Variants in DCXR observed in about 807,000 individuals in gnomAD.
DCXR encodes the protein L-xylulose reductase.
DCXR carries 24 observed loss-of-function variants against 25.9 expected under a neutral mutation model. The observed-to-expected ratio is 0.93, with a 90% confidence interval of 0.67 to 1.30. DCXR has a LOEUF of 1.30. Among genes scored for constraint, DCXR ranks in the 50% most tolerant of loss-of-function variants. The pLI is 0.00. For synonymous variants in DCXR, 161 were observed against 141.7 expected, an observed-to-expected ratio of 1.14 and a Z score of -0.97; for missense variants, 348 against 333.7, an observed-to-expected ratio of 1.04 and a Z score of -0.33.
chr17:82,036,631 C>G lies in DCXR; in HGVS notation c.361G>C (p.Gly121Arg). 1 of 1,613,294 alleles carries G rather than the reference C, an allele frequency of 6.2e-7. No homozygotes were observed. Among genetic ancestry groups the G allele is most frequent in the Non-Finnish European group, 8.5e-7 (1 of 1,179,994 alleles). The change falls in exon 5 of 8, where the codon GGC (glycine) becomes CGC (arginine). Residue 121 changes from glycine (G) to arginine (R), a missense_variant. Coordinates refer to ENST00000306869, the MANE Select transcript of DCXR (RefSeq NM_016286.4). The stretch of plus-strand genomic sequence containing the variant: ...CCTGGGACTCCCCGGGCTATTAAGC[C>G]CCTGGCCACAATCTGGAATCGCAGC... ...VIQVSQIVAR[G>R]LIARGVPGAI...
At chr17:82,037,369 G>C in intron 2 of DCXR, 81 bp downstream of exon 2, 1 of 1,378,050 alleles carries the variant, frequency 7.3e-7, no homozygotes, top group Non-Finnish European at 9.7e-7. Context: ...AGGCGGAGTC[G>C]CGCACAGAGG....
intron 1 of DCXR, 33 bp from the exon 2 acceptor site, chr17:82,037,580 T>C (rs2043508508): frequency 6.5e-7 from 1 of 1,545,504 alleles, no homozygotes; most frequent in Non-Finnish European, 8.7e-7. Flanking sequence ...AGGCGTCCCC[T>C]GCCCGCCTCT....
At chr17:82,037,598 G>C (rs113116886) in intron 1 of DCXR, 33 bp downstream of exon 1, 1 of 1,554,792 alleles carries the variant, frequency 6.4e-7, no homozygotes, top group Non-Finnish European at 8.6e-7. Context: ...TCTGCCCGCC[G>C]CCGGCCTTTG....
intron 2 of DCXR, 55 bp downstream of exon 2, chr17:82,037,395 C>A: frequency 6.7e-7 from 1 of 1,491,714 alleles, no homozygotes; most frequent in Non-Finnish European, 8.9e-7. Context: ...CCCCCGCTCG[C>A]TGCCGCCCCC....
chr17:82,036,976 T>C lies in DCXR; in HGVS notation c.188A>G (p.Asp63Gly), dbSNP rs541363269. ...GIEPVCVDLG[D>G]WEATERALGS... The stretch of plus-strand genomic sequence containing the variant: ...CAGCGCCCGCTCGGTGGCCTCCCAG[T>C]CACCCAGGTCCACGCACACGGGTTC... The change falls in exon 3 of 8, where the codon GAC becomes GGC. Residue 63 changes from aspartate to glycine, a missense_variant. Transcript: ENST00000306869. 6.3e-7 allele frequency: 1 copy of C among 1,586,134 alleles called. No homozygotes were observed. The highest frequency in any genetic ancestry group is 1.4e-5 in the African/African-American group (1 of 74,002).
Position 82,036,305 on chromosome 17 carries a change from G to C in DCXR, c.517C>G (p.Arg173Gly). The change falls in exon 7 of 8, where the codon CGA (arginine) becomes GGA (glycine). Residue 173 changes from arginine (R) to glycine (G), a missense_variant. Transcript: ENST00000306869. ...ACTGTGGGGTTTACTGCATTCACTC[G>C]GATCTACACCGGGACAGCTGGGGTC... ...MALELGPHKI[R>G]VNAVNPTVVM... 1 of 1,402,566 alleles carries C rather than the reference G, an allele frequency of 7.1e-7. No homozygotes were observed. Among genetic ancestry groups the C allele is most frequent in the Non-Finnish European group, 9.4e-7 (1 of 1,067,802 alleles). 86.9% of individuals were successfully genotyped at this position (1,402,566 alleles called of 1,614,324 possible).
rs1338075901 is a variant in DCXR, at chr17:82,036,232, G to A, written c.590C>T (p.Ala197Val). 3 of 1,613,562 alleles carry A rather than the reference G, an allele frequency of 1.9e-6. No individual in the cohort carries two copies. The highest frequency in any genetic ancestry group is 2.5e-6 in the Non-Finnish European group (3 of 1,180,030). ...GQATWSDPHK[A>V]KTMLNRIPLG... ...TGGGATTCGGTTCAGCATAGTCTTG[G>A]CCTTGTGGGGGTCACTCCAGGTGGC... is the stretch of plus-strand genomic sequence containing the variant. The change falls in exon 7 of 8, where the codon GCC becomes GTC. Residue 197 changes from alanine (A) to valine (V), a missense_variant. Ala to Val is a moderately conservative substitution (Grantham distance 64). Transcript: ENST00000306869.
Position 82,037,550 on chromosome 17 carries a change from G to C in DCXR, c.53-3C>G. 6.5e-7 allele frequency: 1 copy of C among 1,543,934 alleles called. No homozygotes were observed. Among genetic ancestry groups the C allele is most frequent in the Non-Finnish European group, 8.7e-7 (1 of 1,150,952 alleles). Reference sequence around the variant, plus strand: ...CTGGACCGTGCCGCGCCCTATACCTGCCGGGAGCGGGCTCAGTGAAGGCGT... The same window carrying C: ...CTGGACCGTGCCGCGCCCTATACCTCCCGGGAGCGGGCTCAGTGAAGGCGT... On this transcript the variant is annotated splice_region_variant and splice_polypyrimidine_tract_variant and intron_variant, in intron 1 of 7. Transcript: ENST00000306869.
At chr17:82,037,171 G>A in intron 2 of DCXR, 158 bp from the exon 3 acceptor site, 1 of 998,912 alleles carries the variant, frequency 1.0e-6, no homozygotes, top group South Asian at 1.6e-5. Context: ...ACCTCCGGCC[G>A]GTTCACTTCC....
Position 82,037,512 on chromosome 17 carries a change from T to C in DCXR, c.88A>G (p.Thr30Ala). 6.5e-7 allele frequency: 1 copy of C among 1,541,736 alleles called. No individual in the cohort carries two copies. Among genetic ancestry groups the C allele is most frequent in the Non-Finnish European group, 8.7e-7 (1 of 1,151,002 alleles). The change falls in exon 2 of 8, where the codon ACG becomes GCG. Residue 30 changes from threonine (T) to alanine (A), a missense_variant. Coordinates refer to ENST00000306869, the MANE Select transcript of DCXR (RefSeq NM_016286.4). The stretch of plus-strand genomic sequence containing the variant: ...CTCACAGCCACCACCCGCGCGCCCG[T>C]CGCGTGCAGCGCCTGGACCGTGCCG... ...GRGTVQALHATGARVVAVSRT... is the reference protein window; with the variant it reads ...GRGTVQALHAAGARVVAVSRT...
At position 82,037,689 on chromosome 17, in the gene DCXR, G is replaced by A. The variant is rs776354255; in HGVS notation, c.-7C>T. 22 of 1,587,046 alleles carry A rather than the reference G, an allele frequency of 1.4e-5. No individual in the cohort carries two copies. The highest frequency in any genetic ancestry group is 1.7e-4 in the Middle Eastern group (1 of 5,978). ...CCGCGAGGAACAGCTCCATGTCGGC[G>A]CAGTCTCCGCCCTCCGCACTGGGGC... On this transcript the variant is annotated 5_prime_UTR_variant, in exon 1 of 8. Coordinates refer to ENST00000306869, the MANE Select transcript of DCXR (RefSeq NM_016286.4).
rs1350989127 is a variant in DCXR at position 82,036,892 on chromosome 17, G to C, written c.272C>G (p.Pro91Arg). 2 of 1,613,024 alleles carry C rather than the reference G, an allele frequency of 1.2e-6. No homozygotes were observed. The highest frequency in any genetic ancestry group is 1.7e-6 in the Non-Finnish European group (2 of 1,179,984). Residue 91 changes from proline (P) to arginine (R), a missense_variant, in exon 3 of 8, where the codon CCC (proline) becomes CGC (arginine). Pro to Arg is a moderately radical substitution (Grantham distance 103). Coordinates refer to ENST00000306869, the MANE Select transcript of DCXR (RefSeq NM_016286.4). Reference sequence around the variant, plus strand: ...GGCCTCCTTGGTGACCTCCAGGAAGGGCTGCAGCAGGGCGACAGCGGCGTT... The same window carrying C: ...GGCCTCCTTGGTGACCTCCAGGAAGCGCTGCAGCAGGGCGACAGCGGCGTT... The part of the protein sequence containing the change: ...VNNAAVALLQ[P>R]FLEVTKEAFD...
At chr17:82,037,123 CGAA>C in intron 2 of DCXR, 110 bp from the exon 3 acceptor site, 1 of 1,404,246 alleles carries the variant, frequency 7.1e-7, no homozygotes. Flanking sequence ...TTAGGAGTTC[CGAA>C]GGTGTCGGGA....
chr17:82,037,567 T>A lies in DCXR; in HGVS notation c.53-20A>T. ...CTATACCTGCCGGGAGCGGGCTCAGTGAAGGCGTCCCCTGCCCGCCTCTGC... is the reference window on the plus strand; with the variant it reads ...CTATACCTGCCGGGAGCGGGCTCAGAGAAGGCGTCCCCTGCCCGCCTCTGC... On this transcript the variant is annotated intron_variant, in intron 1 of 7. Transcript: ENST00000306869. 6.5e-7 allele frequency: 1 copy of A among 1,544,602 alleles called. No homozygotes were observed. Among genetic ancestry groups the A allele is most frequent in the Non-Finnish European group, 8.7e-7 (1 of 1,151,364 alleles).
Position 82,037,443 on chromosome 17 carries a change from G to A in DCXR, c.150+7C>T. The A allele has an allele frequency of 6.6e-7, 1 of 1,526,470 alleles. No homozygotes were observed. The highest frequency in any genetic ancestry group is 8.7e-7 in the Non-Finnish European group (1 of 1,144,192). The allele number at this position is 1,526,470 out of a possible 1,614,324, so 94.6% of individuals were successfully genotyped here. ...GCCTCGCAGCGCTGGGACCCGGCGG[G>A]ACCTACCTCGCGGACAAGGCTGTCA... On this transcript the variant is annotated splice_region_variant and intron_variant, in intron 2 of 7. Coordinates refer to ENST00000306869, the MANE Select transcript of DCXR (RefSeq NM_016286.4).
chr17:82,037,371 G>T (rs1017513525), intron 2 of DCXR, 79 bp downstream of exon 2: 6 of 1,389,360 alleles, frequency 4.3e-6, no homozygotes, highest in Non-Finnish European at 5.8e-6. Context: ...GCGGAGTCGC[G>T]CACAGAGGTA....
At position 82,037,022 on chromosome 17, in the gene DCXR, A is replaced by G; in HGVS notation, c.151-9T>C. On this transcript the variant is annotated splice_polypyrimidine_tract_variant and intron_variant, in intron 2 of 7. Coordinates refer to ENST00000306869, the MANE Select transcript of DCXR (RefSeq NM_016286.4). Reference sequence around the variant, plus strand: ...GGTTCTATCCCCGGGCACTGTGTGTATCAGGGGGCAGTTACCAGAGGCTCT... The same window carrying G: ...GGTTCTATCCCCGGGCACTGTGTGTGTCAGGGGGCAGTTACCAGAGGCTCT... The G allele has an allele frequency of 6.4e-7, 1 of 1,553,534 alleles. No homozygotes were observed. The highest frequency in any genetic ancestry group is 2.4e-5 in the East Asian group (1 of 41,008).
chr17:82,037,644 G>T lies in DCXR; in HGVS notation c.39C>A (p.Thr13=), dbSNP rs1178773212. Reference sequence around the variant, plus strand: ...CCCGCCGCCCACCTTTGCCTGCCCCGGTGACCAGCACCCGGCGGCCCGCGA... The same window carrying T: ...CCCGCCGCCCACCTTTGCCTGCCCCTGTGACCAGCACCCGGCGGCCCGCGA... ...LFLAGRRVLV[T]GAGKGIGRGT... Residue 13 remains threonine (T), a synonymous_variant, in exon 1 of 8, where the codon ACC becomes ACA. Transcript: ENST00000306869. The T allele has an allele frequency of 6.3e-7, 1 of 1,589,418 alleles. No individual in the cohort carries two copies. Among genetic ancestry groups the T allele is most frequent in the Admixed American group, 1.7e-5 (1 of 58,906 alleles).
chr17:82,035,901 A>AT lies in DCXR; in HGVS notation c.*58dup. The AT allele has an allele frequency of 7.0e-7, 1 of 1,437,956 alleles. No individual in the cohort carries two copies. The highest frequency in any genetic ancestry group is 9.7e-7 in the Non-Finnish European group (1 of 1,027,556). 89.1% of individuals were successfully genotyped at this position (1,437,956 alleles called of 1,614,324 possible). A position where few individuals can be genotyped will look rare whatever the true frequency, so the allele number is the denominator to read the frequency against. On this transcript the variant is annotated 3_prime_UTR_variant, in exon 8 of 8. Transcript: ENST00000306869. ...TAGTCTGGGCAGCAGAATCAGGTTT[A>AT]TTGGAGGGATTGGGGGTAGGATGAG...
Sources: allele counts gnomAD v4.1 joint callset, GRCh38; gene constraint gnomAD v4.1.1; transcripts MANE v1.5; gene names NCBI Gene and HGNC (gene_info 2026-07-23, HGNC 2026-07-21).